ZNF883: variants seen among roughly 807,000 people sequenced by gnomAD.
ZNF883 encodes zinc finger protein 883.
At chr9:113,008,532 A>G (rs1828500700) in intron 2 of ZNF883, among the ~76,000 whole-genome samples, 1 of 152,174 alleles carries the variant, frequency 6.6e-6, no homozygotes, top group African/African-American at 2.4e-5. Flanking sequence ...AACATTATGT[A>G]TTTGTGGATT....
At chr9:112,995,513 C>T (rs1386769306), downstream of ZNF883, among the ~76,000 whole-genome samples, 2 of 151,384 alleles carry the variant, frequency 1.3e-5, no homozygotes, top group Non-Finnish European at 2.9e-5. Flanking sequence ...TCCCTTCCTT[C>T]CTCTCTCTCT....
chr9:113,003,722 G>A (rs77882293), intron 2 of ZNF883, among the ~76,000 whole-genome samples: 4 of 152,210 alleles, frequency 2.6e-5, no homozygotes, highest in East Asian at 3.9e-4. Flanking sequence ...GAATAGAATA[G>A]TCAAACTCCT....
chr9:113,005,737 A>G (rs1388394525), intron 2 of ZNF883, among the ~76,000 whole-genome samples: 1 of 152,278 alleles, frequency 6.6e-6, no homozygotes, highest in East Asian at 1.9e-4. Flanking sequence ...TTGTACGTCA[A>G]TATTCTACTT....
intron 2 of ZNF883, among the ~76,000 whole-genome samples, chr9:113,010,139 G>C (rs1284941262): frequency 6.6e-6 from 1 of 152,138 alleles, no homozygotes; most frequent in Non-Finnish European, 1.5e-5. Context: ...TAGAACATTA[G>C]CTGGCAAAAA....
chr9:112,991,069 A>AT (rs1196486075), intron 1 of ZNF883, among the ~76,000 whole-genome samples: 3 of 151,610 alleles, frequency 2.0e-5, no homozygotes, highest in Non-Finnish European at 4.4e-5. Context: ...GGATTCATTG[A>AT]TTTTTTTGAA....
intron 2 of ZNF883, among the ~76,000 whole-genome samples, chr9:113,009,785 G>A (rs1270856392): frequency 6.6e-6 from 1 of 152,172 alleles, no homozygotes; most frequent in East Asian, 1.9e-4. Flanking sequence ...TGGGATTACA[G>A]GCATGAGCCA....
At chr9:113,000,045 CAAA>C (rs1366322213), upstream of ZNF883, among the ~76,000 whole-genome samples, 10 of 152,000 alleles carry the variant, frequency 6.6e-5, no homozygotes, top group Non-Finnish European at 1.3e-4. Flanking sequence ...TTATGAACAA[CAAA>C]AGATATTCCT....
At chr9:112,997,407 T>A (rs368914427) in exon 1 of ZNF883, 60 of 1,613,876 alleles carry the variant, frequency 3.7e-5, no homozygotes, top group Non-Finnish European at 4.8e-5. Context: ...GAATGAATTT[T>A]TAGATGTTCA....
chr9:112,997,553 G>T (rs764345803), exon 1 of ZNF883: 9 of 1,614,100 alleles, frequency 5.6e-6, no homozygotes, highest in Non-Finnish European at 7.6e-6. Context: ...ACACTCATAG[G>T]GTTTTTCTCC....
chr9:113,011,503 C>T lies in ZNF883; in HGVS notation n.79-276G>A, dbSNP rs555880763. 1.5e-4 allele frequency among the ~76,000 whole-genome samples: 23 copies of T among 152,330 alleles called. No individual in the cohort carries two copies. The South Asian group carries it at 2.3e-3, about 15-fold the overall frequency. ...TTGTTTGTTAACAATACTTGTAAAG[C>T]ATATACAATTTTTCGAAGTGCATTC... On this transcript the variant is annotated intron_variant and non_coding_transcript_variant, in intron 1 of 4. Coordinates refer to the ZNF883 transcript ENST00000638622.
At chr9:113,010,165 ATATT>A (rs1307990731) in intron 2 of ZNF883, among the ~76,000 whole-genome samples, 4 of 152,202 alleles carry the variant, frequency 2.6e-5, no homozygotes, top group African/African-American at 9.7e-5. Context: ...TGCTCAATGA[ATATT>A]TATTCAGTGA....
downstream of ZNF883, among the ~76,000 whole-genome samples, chr9:112,993,691 C>T (rs1828323268): frequency 6.6e-6 from 1 of 152,228 alleles, no homozygotes; most frequent in African/African-American, 2.4e-5. Flanking sequence ...ACAGCCACCC[C>T]TCCCCACAAG....
chr9:112,998,232 C>A (rs372484597), exon 1 of ZNF883: 1 of 1,599,642 alleles, frequency 6.3e-7, no homozygotes, highest in Non-Finnish European at 8.5e-7. Flanking sequence ...TATGGGTTCG[C>A]GGTCATATAA....
downstream of ZNF883, among the ~76,000 whole-genome samples, chr9:112,995,475 C>T (rs1353155696): frequency 1.3e-5 from 2 of 151,688 alleles, no homozygotes; most frequent in Non-Finnish European, 2.9e-5. Context: ...CTCTCTCTCC[C>T]TTCCTCCCTG....
intron 2 of ZNF883, among the ~76,000 whole-genome samples, chr9:113,004,242 G>T (rs779901318): frequency 1.3e-5 from 2 of 152,186 alleles, no homozygotes. Flanking sequence ...GAGGCAGGAT[G>T]ACCTTGCTGA....
intron 2 of ZNF883, among the ~76,000 whole-genome samples, chr9:113,006,477 T>C (rs1194552619): frequency 1.3e-5 from 2 of 152,172 alleles, no homozygotes; most frequent in Non-Finnish European, 2.9e-5. Flanking sequence ...TAAACTTGCT[T>C]ACACTTTACT....
chr9:113,003,218 T>A (rs1283849291), upstream of ZNF883, among the ~76,000 whole-genome samples: 1 of 152,114 alleles, frequency 6.6e-6, no homozygotes, highest in Non-Finnish European at 1.5e-5. Flanking sequence ...AGTGAATAAC[T>A]CTTATGAGTT....
exon 1 of ZNF883, chr9:112,997,296 G>C (rs1310996959): frequency 6.2e-7 from 1 of 1,614,084 alleles, no homozygotes; most frequent in Admixed American, 1.7e-5. Context: ...TCATTACACT[G>C]GTAGGGTTTC....
chr9:113,003,973 T>G (rs1423129127), intron 2 of ZNF883, among the ~76,000 whole-genome samples: 3 of 152,136 alleles, frequency 2.0e-5, no homozygotes, highest in African/African-American at 7.2e-5. Flanking sequence ...GAATGTGACC[T>G]TATTTGGAAA....
Sources: allele counts gnomAD v4.1 joint callset (sites outside exome capture counted in the v4.1 genomes callset), GRCh38; gene constraint gnomAD v4.1.1; transcripts MANE v1.5; gene names NCBI Gene and HGNC (gene_info 2026-07-23, HGNC 2026-07-21).